The following CFAP107 variants were observed in gnomAD, a reference collection of about 807,000 sequenced individuals.
The protein encoded by CFAP107 is cilia and flagella associated protein 107.
chr1:12,761,533 T>G, the CFAP107 span: 3 of 140,670 alleles, frequency 2.1e-5, no homozygotes, highest in Non-Finnish European at 4.6e-5. Context: ...ATCTTTGTGT[T>G]TTTTTTTTTG....
chr1:12,756,362 T>C, the CFAP107 span, among the ~76,000 whole-genome samples: 1 of 152,210 alleles, frequency 6.6e-6, no homozygotes, highest in African/African-American at 2.4e-5. Flanking sequence ...TTTGAGACTA[T>C]TATTATCTTT....
the CFAP107 span, among the ~76,000 whole-genome samples, chr1:12,748,633 G>T: frequency 6.6e-6 from 1 of 152,006 alleles, no homozygotes. Flanking sequence ...GGAAGATTTG[G>T]CTGCTTTTCA....
chr1:12,747,571 G>A, the CFAP107 span, among the ~76,000 whole-genome samples: 1 of 152,108 alleles, frequency 6.6e-6, no homozygotes, highest in Admixed American at 6.5e-5. Flanking sequence ...TTGGGAAGTG[G>A]GCAAGGAAAA....
the CFAP107 span, among the ~76,000 whole-genome samples, chr1:12,757,330 C>T: frequency 1.2e-5 from 1 of 83,182 alleles, no homozygotes; most frequent in Non-Finnish European, 2.5e-5. Context: ...TTCTTTTTTT[C>T]TTTTCTTTTC....
the CFAP107 span, chr1:12,761,948 A>G: frequency 1.3e-5 from 2 of 152,260 alleles, no homozygotes; most frequent in African/African-American, 4.8e-5. Flanking sequence ...CGCCCAGGAC[A>G]GGGGTCCACA....
the CFAP107 span, among the ~76,000 whole-genome samples, chr1:12,758,763 C>T: frequency 6.6e-6 from 1 of 152,166 alleles, no homozygotes; most frequent in African/African-American, 2.4e-5. Context: ...GTAAATTACT[C>T]CTCACCAAAG....
At chr1:12,751,430 C>A in the CFAP107 span, among the ~76,000 whole-genome samples, 6 of 152,080 alleles carry the variant, frequency 3.9e-5, no homozygotes, top group African/African-American at 1.4e-4. Flanking sequence ...AGTTTGAGAC[C>A]AGCCTGGCCA....
At chr1:12,754,955 G>A in the CFAP107 span, among the ~76,000 whole-genome samples, 2 of 152,176 alleles carry the variant, frequency 1.3e-5, no homozygotes, top group African/African-American at 2.4e-5. Context: ...GCACAACAGC[G>A]TGAATGTCAC....
At chr1:12,747,090 C>A in the CFAP107 span, among the ~76,000 whole-genome samples, 357 of 149,456 alleles carry the variant, frequency 2.4e-3, 1 homozygote, top group African/African-American at 8.8e-3. Flanking sequence ...TTTTTTGAGA[C>A]AGAGTCTCGC....
chr1:12,761,449 A>C, the CFAP107 span: 1 of 152,752 alleles, frequency 6.5e-6, no homozygotes, highest in Non-Finnish European at 1.5e-5. Context: ...AGGCAGAGGA[A>C]GGCGTGCTCT....
chr1:12,750,620 G>A, the CFAP107 span, among the ~76,000 whole-genome samples: 5,931 of 152,224 alleles, frequency 0.039, 388 homozygotes, highest in African/African-American at 0.14. Context: ...AAACTATTAT[G>A]AGACAAAGAG....
At chr1:12,747,234 A>AT in the CFAP107 span, among the ~76,000 whole-genome samples, 3 of 151,620 alleles carry the variant, frequency 2.0e-5, no homozygotes, top group South Asian at 2.1e-4. Context: ...TGCCCAGCTA[A>AT]TTTTTTGTAT....
At chr1:12,760,784 T>C in the CFAP107 span, 49 of 1,613,674 alleles carry the variant, frequency 3.0e-5, no homozygotes, top group Non-Finnish European at 4.0e-5. Context: ...CCCTACAAAC[T>C]ATGGACTCTA....
chr1:12,746,616 A>G, the CFAP107 span: 3 of 1,074,146 alleles, frequency 2.8e-6, no homozygotes, highest in South Asian at 1.3e-5. Context: ...GTTCATCACT[A>G]TTTTCAAATG....
the CFAP107 span, among the ~76,000 whole-genome samples, chr1:12,746,991 C>G: frequency 2.0e-5 from 3 of 152,058 alleles, no homozygotes; most frequent in Non-Finnish European, 4.4e-5. Flanking sequence ...TTGCCACTCT[C>G]TGTGCTGATG....
the CFAP107 span, chr1:12,761,241 C>T: frequency 6.7e-6 from 2 of 298,700 alleles, no homozygotes; most frequent in East Asian, 1.2e-4. Flanking sequence ...TTAAGTTCTA[C>T]CCTGTTGTTT....
At chr1:12,763,159 C>G in the CFAP107 span, 4 of 152,066 alleles carry the variant, frequency 2.6e-5, no homozygotes, top group African/African-American at 9.7e-5. Context: ...GCACTCCAGC[C>G]TTGGTGACAG....
the CFAP107 span, chr1:12,760,886 A>C: frequency 3.1e-6 from 5 of 1,613,984 alleles, no homozygotes; most frequent in African/African-American, 4.0e-5. Flanking sequence ...GTTGTGCGCT[A>C]TGTCCTGGAG....
chr1:12,760,794 A>G, the CFAP107 span: 1 of 1,613,974 alleles, frequency 6.2e-7, no homozygotes, highest in Non-Finnish European at 8.5e-7. Flanking sequence ...TATGGACTCT[A>G]TGAGCAGCTC....
Sources: gnomAD v4.1 joint callset for allele counts (sites outside exome capture counted in the v4.1 genomes callset) on GRCh38, gnomAD v4.1.1 for gene constraint, MANE v1.5 for transcripts, NCBI Gene and HGNC (gene_info 2026-07-23, HGNC 2026-07-21) for gene names.